SNTG2: variants seen among roughly 807,000 people sequenced by gnomAD.
SNTG2 encodes gamma-2-syntrophin.
A neutral mutation model predicts 70.9 loss-of-function variants in SNTG2; 74 were observed. The observed-to-expected ratio is 1.04, with a 90% CI of 0.86 to 1.27. SNTG2 has a LOEUF of 1.27. Ranked by LOEUF, SNTG2 falls within the 50% of genes most tolerant of loss-of-function variation. The probability of loss-of-function intolerance (pLI) is 0.00; values close to 1 mark genes in which losing one functional copy is unlikely to be tolerated. For missense variants in SNTG2, 717 were observed against 690.7 expected (o/e 1.04, Z -0.43); for synonymous variants, 278 against 273.8 (o/e 1.02, Z -0.15).
At chr2:1,004,509 C>T (rs766768391) in intron 1 of SNTG2, among the ~76,000 whole-genome samples, 28 of 152,298 alleles carry the variant, frequency 1.8e-4, no homozygotes, top group South Asian at 6.2e-4. Context: ...TTGGGCAAAA[C>T]GCTTGAACAG....
intron 8 of SNTG2, among the ~76,000 whole-genome samples, chr2:1,181,254 G>C (rs1671873889): frequency 6.6e-6 from 1 of 152,022 alleles, no homozygotes; most frequent in Admixed American, 6.6e-5. Context: ...GTTATTCTTT[G>C]CACTCAAGAG....
At chr2:961,272 T>A (rs1660341001) in intron 1 of SNTG2, among the ~76,000 whole-genome samples, 1 of 152,184 alleles carries the variant, frequency 6.6e-6, no homozygotes, top group Non-Finnish European at 1.5e-5. Flanking sequence ...AGTGGCACGA[T>A]CTTGGCTCAC....
At chr2:1,226,629 C>T (rs1210707749) in intron 9 of SNTG2, among the ~76,000 whole-genome samples, 3 of 151,928 alleles carry the variant, frequency 2.0e-5, no homozygotes, top group African/African-American at 7.3e-5. Flanking sequence ...GAAGGACACT[C>T]TTCGACTGAA....
chr2:1,313,103 C>G (rs1362126339), intron 15 of SNTG2, among the ~76,000 whole-genome samples: 3 of 152,074 alleles, frequency 2.0e-5, no homozygotes, highest in Admixed American at 2.0e-4. Context: ...GACTGTGTTG[C>G]AGAGGAAGTA....
At chr2:1,023,388 T>C (rs905120091) in intron 1 of SNTG2, among the ~76,000 whole-genome samples, 1 of 152,130 alleles carries the variant, frequency 6.6e-6, no homozygotes, top group African/African-American at 2.4e-5. Context: ...GATGCTGTGT[T>C]GGAGGCTGGA....
At chr2:956,780 A>C (rs566183523) in intron 1 of SNTG2, among the ~76,000 whole-genome samples, 2 of 152,326 alleles carry the variant, frequency 1.3e-5, no homozygotes, top group East Asian at 3.9e-4. Context: ...TCTGAATTAG[A>C]TGTATGTGTT....
intron 1 of SNTG2, among the ~76,000 whole-genome samples, chr2:1,070,137 A>G (rs944632028): frequency 6.6e-6 from 1 of 151,594 alleles, no homozygotes; most frequent in African/African-American, 2.4e-5. Context: ...AGTCAGTCTG[A>G]GGGGCGGGGG....
At chr2:1,156,544 G>A (rs1421461768) in intron 6 of SNTG2, among the ~76,000 whole-genome samples, 1 of 152,194 alleles carries the variant, frequency 6.6e-6, no homozygotes, top group Non-Finnish European at 1.5e-5. Flanking sequence ...CATGAATTTA[G>A]AGATTAACCA....
intron 6 of SNTG2, among the ~76,000 whole-genome samples, chr2:1,140,737 C>T (rs916616006): frequency 3.9e-5 from 6 of 152,160 alleles, no homozygotes; most frequent in Admixed American, 6.5e-5. Flanking sequence ...TTTAAAAAGA[C>T]GTCTCAAATG....
chr2:1,077,997 T>A (rs991505627), intron 1 of SNTG2, among the ~76,000 whole-genome samples: 1 of 152,228 alleles, frequency 6.6e-6, no homozygotes, highest in African/African-American at 2.4e-5. Flanking sequence ...TATGTTTTCA[T>A]GTCTCTCTGT....
intron 4 of SNTG2, among the ~76,000 whole-genome samples, chr2:1,128,532 G>A (rs943236923): frequency 5.9e-5 from 9 of 152,046 alleles, no homozygotes; most frequent in African/African-American, 2.2e-4. Flanking sequence ...TCGTTTAAGT[G>A]ATGCCTCCAT....
At chr2:1,198,091 T>G (rs944905531) in intron 8 of SNTG2, among the ~76,000 whole-genome samples, 15 of 152,018 alleles carry the variant, frequency 9.9e-5, no homozygotes, top group Non-Finnish European at 5.9e-5. Flanking sequence ...GGATAGATCA[T>G]ACATTAGGCC....
intron 16 of SNTG2, among the ~76,000 whole-genome samples, chr2:1,337,403 A>T (rs1659869996): frequency 1.3e-5 from 2 of 152,168 alleles, no homozygotes; most frequent in African/African-American, 4.8e-5. Flanking sequence ...GGTAAATGTT[A>T]TCTCACTGGA....
intron 6 of SNTG2, among the ~76,000 whole-genome samples, chr2:1,153,661 C>T (rs922976675): frequency 6.6e-6 from 1 of 152,164 alleles, no homozygotes; most frequent in Non-Finnish European, 1.5e-5. Flanking sequence ...ATAACTTGTT[C>T]GTGTTTTACA....
At chr2:1,134,240 T>C (rs1416095508) in intron 4 of SNTG2, among the ~76,000 whole-genome samples, 1 of 151,974 alleles carries the variant, frequency 6.6e-6, no homozygotes, top group Non-Finnish European at 1.5e-5. Context: ...GCTTCCACAG[T>C]GTGGAAGGGG....
chr2:1,286,553 T>C (rs982120111), intron 14 of SNTG2, among the ~76,000 whole-genome samples: 5 of 152,204 alleles, frequency 3.3e-5, no homozygotes, highest in African/African-American at 1.2e-4. Context: ...TGGAACACCA[T>C]GACAGTGGAT....
chr2:993,148 A>G (rs1314000690), intron 1 of SNTG2, among the ~76,000 whole-genome samples: 1 of 149,832 alleles, frequency 6.7e-6, no homozygotes, highest in Non-Finnish European at 1.5e-5. Context: ...ATATGTATAC[A>G]TGTGCCATGC....
chr2:1,264,941 G>A (rs1678641563), intron 13 of SNTG2, among the ~76,000 whole-genome samples: 1 of 152,142 alleles, frequency 6.6e-6, no homozygotes, highest in South Asian at 2.1e-4. Flanking sequence ...CATGTTATTA[G>A]TAAAGCTTCT....
chr2:1,045,599 A>G (rs1021930476), intron 1 of SNTG2, among the ~76,000 whole-genome samples: 1 of 152,130 alleles, frequency 6.6e-6, no homozygotes, highest in Non-Finnish European at 1.5e-5. Context: ...ATTAGTTTCA[A>G]AGAATTTCTT....
Sources: gnomAD v4.1 joint callset for allele counts (sites outside exome capture counted in the v4.1 genomes callset) on GRCh38, gnomAD v4.1.1 for gene constraint, MANE v1.5 for transcripts, NCBI Gene and HGNC (gene_info 2026-07-23, HGNC 2026-07-21) for gene names.